BCAT1: variants seen among roughly 807,000 people sequenced by gnomAD.
BCAT1 encodes the protein branched-chain-amino-acid aminotransferase, cytosolic.
BCAT1 carries 48 observed loss-of-function variants against 52.4 expected under a neutral mutation model. That is an observed-to-expected ratio of 0.92 (90% confidence interval 0.73 to 1.16). BCAT1 has a LOEUF of 1.16. Among genes scored for constraint, BCAT1 ranks in the 50% most tolerant of loss-of-function variants. The probability of loss-of-function intolerance (pLI) is 0.00; values close to 1 mark genes in which losing one functional copy is unlikely to be tolerated. For missense variants in BCAT1, 451 were observed against 457.1 expected, an observed-to-expected ratio of 0.99 and a Z score of 0.12; for synonymous variants, 167 against 161.3, an observed-to-expected ratio of 1.04 and a Z score of -0.27.
intron 6 of BCAT1, among the ~76,000 whole-genome samples, chr12:24,845,958 T>A (rs1458186348): frequency 6.6e-6 from 1 of 152,230 alleles, no homozygotes; most frequent in African/African-American, 2.4e-5. Context: ...TACGAAGTAG[T>A]GAAGCAGTGA....
At chr12:24,864,229 A>T (rs926394419) in intron 5 of BCAT1, among the ~76,000 whole-genome samples, 2 of 152,202 alleles carry the variant, frequency 1.3e-5, no homozygotes, top group Non-Finnish European at 2.9e-5. Context: ...CCTCAAAACC[A>T]AGATCTCCTC....
At position 24,929,155 on chromosome 12, in the gene BCAT1, T is replaced by C. The variant is rs377674298; in HGVS notation, c.6+19772A>G. 2.6e-5 allele frequency among the ~76,000 whole-genome samples: 4 copies of C among 152,336 alleles called. No individual in the cohort carries two copies. In the East Asian group the frequency reaches 5.8e-4, roughly 22 times the overall value. Reference sequence around the variant, plus strand: ...GCATTAAGCCTTACACAGAAAGATGTTGAAATTCTGTTAAGCTTCCCTAAA... The same window carrying C: ...GCATTAAGCCTTACACAGAAAGATGCTGAAATTCTGTTAAGCTTCCCTAAA... On this transcript the variant is annotated intron_variant, in intron 1 of 10. Transcript: ENST00000261192.
chr12:24,918,102 G>A (rs372891988), intron 1 of BCAT1, among the ~76,000 whole-genome samples: 13 of 152,310 alleles, frequency 8.5e-5, no homozygotes, highest in Admixed American at 3.9e-4. Context: ...GTATTCTCAG[G>A]CAAACTACTA....
At chr12:24,820,674 C>T (rs1388084819) in intron 10 of BCAT1, among the ~76,000 whole-genome samples, 2 of 152,080 alleles carry the variant, frequency 1.3e-5, no homozygotes, top group Non-Finnish European at 2.9e-5. Context: ...GTCGAGCCTG[C>T]GGGATGGTAT....
At chr12:24,913,438 C>T (rs1282545068) in intron 1 of BCAT1, among the ~76,000 whole-genome samples, 4 of 152,188 alleles carry the variant, frequency 2.6e-5, no homozygotes, top group East Asian at 1.9e-4. Context: ...ACAGTGCAAA[C>T]GTTGGCACCA....
chr12:24,832,874 T>C lies in BCAT1; in HGVS notation c.904-11A>G, dbSNP rs1200202556. 2 of 1,597,858 alleles carry C rather than the reference T, an allele frequency of 1.3e-6. No individual in the cohort carries two copies. Among genetic ancestry groups the C allele is most frequent in the Non-Finnish European group, 1.7e-6 (2 of 1,172,624 alleles). On this transcript the variant is annotated splice_polypyrimidine_tract_variant and intron_variant, in intron 8 of 10. Coordinates refer to ENST00000261192, the MANE Select transcript of BCAT1 (RefSeq NM_005504.7). The stretch of plus-strand genomic sequence containing the variant: ...CACCTTAAATTCACCCTGCATGGAA[T>C]ATAAAAAATAACAAGTATATTTTAA...
Position 24,812,909 on chromosome 12 carries a change from A to T in BCAT1, c.*5099T>A, listed in dbSNP as rs540184554. ...CCCAACAGTAGATTACATAAACTGAACATCATGCAACTCAAGTTATACGTC... is the reference window on the plus strand; with the variant it reads ...CCCAACAGTAGATTACATAAACTGATCATCATGCAACTCAAGTTATACGTC... On this transcript the variant is annotated 3_prime_UTR_variant, in exon 11 of 11. Coordinates refer to ENST00000261192, the MANE Select transcript of BCAT1 (RefSeq NM_005504.7). 7.2e-5 allele frequency: 11 copies of T among 152,182 alleles called. No homozygotes were observed. Among genetic ancestry groups the T allele is most frequent in the African/African-American group, 2.6e-4 (11 of 41,572 alleles). The allele number at this position is 152,182 out of a possible 1,614,324, so 9.4% of individuals were successfully genotyped here.
intron 10 of BCAT1, among the ~76,000 whole-genome samples, chr12:24,828,743 C>T (rs1261904780): frequency 2.0e-5 from 3 of 152,168 alleles, no homozygotes; most frequent in Admixed American, 1.3e-4. Context: ...TGGTGGCTCA[C>T]GGCTGTAATC....
At chr12:24,933,397 G>A (rs896807560) in intron 1 of BCAT1, among the ~76,000 whole-genome samples, 2 of 152,010 alleles carry the variant, frequency 1.3e-5, no homozygotes, top group African/African-American at 4.8e-5. Context: ...GCAAAGCTGG[G>A]GCTCACACAC....
chr12:24,823,180 T>C lies in BCAT1; in HGVS notation c.1120-5131A>G, dbSNP rs371301621. On this transcript the variant is annotated intron_variant, in intron 10 of 10. Coordinates refer to ENST00000261192, the MANE Select transcript of BCAT1 (RefSeq NM_005504.7). The stretch of plus-strand genomic sequence containing the variant: ...TAAGGCATCTTCCCACCTCAACCTG[T>C]AGCTGGGACTACAGACATGTGACAC... Among the ~76,000 whole-genome samples, 11 of 152,194 alleles carry C rather than the reference T, an allele frequency of 7.2e-5. 1 individual carries two copies. The highest frequency in any genetic ancestry group is 3.9e-4 in the East Asian group (2 of 5,178).
intron 1 of BCAT1, 121 bp downstream of exon 1, chr12:24,948,806 G>A: frequency 9.4e-7 from 1 of 1,064,152 alleles, no homozygotes; most frequent in Non-Finnish European, 1.4e-6. Context: ...GTTTGCGGGG[G>A]ATATAAGCCA....
chr12:24,941,328 C>A (rs1366047277), intron 1 of BCAT1, among the ~76,000 whole-genome samples: 1 of 152,150 alleles, frequency 6.6e-6, no homozygotes, highest in Non-Finnish European at 1.5e-5. Flanking sequence ...ATGAGTCTGG[C>A]AATAGGCATT....
chr12:24,920,829 C>G (rs7977681), intron 1 of BCAT1, among the ~76,000 whole-genome samples: 133,888 of 152,232 alleles, frequency 0.88, 60,311 homozygotes, highest in East Asian at 1. Context: ...CCCCCTCTTC[C>G]GGTTTGATTA....
intron 5 of BCAT1, among the ~76,000 whole-genome samples, chr12:24,867,985 A>G (rs1255795720): frequency 1.3e-5 from 2 of 152,256 alleles, no homozygotes; most frequent in Non-Finnish European, 2.9e-5. Context: ...AGCCTGGGAA[A>G]CAGAGCAAGA....
At chr12:24,853,384 G>A (rs962102699) in intron 5 of BCAT1, among the ~76,000 whole-genome samples, 1 of 152,150 alleles carries the variant, frequency 6.6e-6, no homozygotes, top group African/African-American at 2.4e-5. Flanking sequence ...GCACTTATAA[G>A]TGAGAGCTAA....
intron 3 of BCAT1, among the ~76,000 whole-genome samples, chr12:24,889,664 T>C (rs1022254672): frequency 2.6e-5 from 4 of 152,234 alleles, no homozygotes; most frequent in Admixed American, 2.0e-4. Context: ...CTCTCTGACC[T>C]TCTCCTGCCC....
At chr12:24,949,254 C>G (rs78609079), upstream of BCAT1, 6 of 470,212 alleles carry the variant, frequency 1.3e-5, no homozygotes, top group South Asian at 2.0e-4. Context: ...TCACTCACTG[C>G]TCACTCCCGG....
intron 5 of BCAT1, among the ~76,000 whole-genome samples, chr12:24,876,282 A>C (rs899467818): frequency 3.3e-5 from 5 of 151,032 alleles, no homozygotes; most frequent in African/African-American, 1.2e-4. Flanking sequence ...AAAAAAAGAA[A>C]GAAAAGAAAA....
chr12:24,926,448 T>A (rs1351687939), intron 1 of BCAT1, among the ~76,000 whole-genome samples: 1 of 152,198 alleles, frequency 6.6e-6, no homozygotes, highest in African/African-American at 2.4e-5. Context: ...CGCCACCCCG[T>A]CTGGGAGGTG....
Sources: allele counts gnomAD v4.1 joint callset (sites outside exome capture counted in the v4.1 genomes callset), GRCh38; gene constraint gnomAD v4.1.1; transcripts MANE v1.5; gene names NCBI Gene and HGNC (gene_info 2026-07-23, HGNC 2026-07-21).